SPA17: variants seen among roughly 807,000 people sequenced by gnomAD.
SPA17 encodes sperm autoantigenic protein 17.
In SPA17, 7 loss-of-function variants were observed where a neutral mutation model predicts 13.8. The ratio of observed to expected loss-of-function variants is 0.51; its 90% CI spans 0.29 to 0.95. SPA17 has a LOEUF of 0.95. SPA17 is among the 40% of genes least tolerant of loss of function. The pLI is 0.08. For synonymous variants in SPA17, 61 were observed against 59.0 expected, an observed-to-expected ratio of 1.03 and a Z score of -0.16; for missense variants, 170 against 179.3, an observed-to-expected ratio of 0.95 and a Z score of 0.30.
intron 2 of SPA17, among the ~76,000 whole-genome samples, chr11:124,676,781 T>C (rs1165955664): frequency 2.0e-5 from 3 of 152,226 alleles, no homozygotes; most frequent in Non-Finnish European, 4.4e-5. Flanking sequence ...AAAAACTACC[T>C]ATCAGGCATT....
intron 3 of SPA17, among the ~76,000 whole-genome samples, chr11:124,682,696 A>T (rs1811412686): frequency 1.3e-5 from 2 of 152,154 alleles, no homozygotes; most frequent in African/African-American, 4.8e-5. Flanking sequence ...AGTAAGACAA[A>T]AATAAAAAAG....
chr11:124,687,550 C>A (rs1943588263), intron 3 of SPA17, among the ~76,000 whole-genome samples: 1 of 152,092 alleles, frequency 6.6e-6, no homozygotes, highest in Non-Finnish European at 1.5e-5. Flanking sequence ...CAAAAATCTT[C>A]AACAGAATAC....
intron 3 of SPA17, 85 bp downstream of exon 3, chr11:124,681,544 A>G (rs1467525396): frequency 1.0e-6 from 1 of 971,588 alleles, no homozygotes; most frequent in African/African-American, 1.7e-5. Flanking sequence ...CAGAATTGTG[A>G]GAATTATGTG....
At chr11:124,675,475 G>A in intron 2 of SPA17, 57 bp downstream of exon 2, 2 of 1,576,100 alleles carry the variant, frequency 1.3e-6, no homozygotes, top group Non-Finnish European at 1.7e-6. Flanking sequence ...TTTGTTTATG[G>A]TAAAACTTGC....
At chr11:124,674,667 CCCCAT>C (rs1306835289) in intron 1 of SPA17, 3 of 152,252 alleles carry the variant, frequency 2.0e-5, no homozygotes, top group African/African-American at 2.4e-5. Flanking sequence ...TGACACACAG[CCCCAT>C]CCCATCCCAT....
rs938282833 is a variant in SPA17, at chr11:124,695,098, C to G, written c.*652C>G. 1.3e-5 allele frequency: 2 copies of G among 152,700 alleles called. No homozygotes were observed. Among genetic ancestry groups the G allele is most frequent in the African/African-American group, 4.8e-5 (2 of 41,446 alleles). 9.5% of individuals were successfully genotyped at this position (152,700 alleles called of 1,614,324 possible). A position where few individuals can be genotyped will look rare whatever the true frequency, so the allele number is the denominator to read the frequency against. Reference sequence around the variant, plus strand: ...CTCCAGCCTGGGCGACAGAGCAAGACTCTGTCTCAAAAACAAAACAAAACA... The same window carrying G: ...CTCCAGCCTGGGCGACAGAGCAAGAGTCTGTCTCAAAAACAAAACAAAACA... On this transcript the variant is annotated 3_prime_UTR_variant, in exon 5 of 5. Transcript: ENST00000227135.
chr11:124,688,215 G>T (rs1444986574), intron 3 of SPA17, among the ~76,000 whole-genome samples: 1 of 152,168 alleles, frequency 6.6e-6, no homozygotes, highest in Non-Finnish European at 1.5e-5. Context: ...CTTTTGCTAT[G>T]TTGTCCAGGC....
At chr11:124,681,276 C>A in intron 2 of SPA17, 113 bp from the exon 3 acceptor site, 1 of 669,728 alleles carries the variant, frequency 1.5e-6, no homozygotes, top group African/African-American at 1.9e-5. Context: ...AGATTTTGGA[C>A]TGCCAGTAAA....
chr11:124,677,159 T>C (rs1591402522), intron 2 of SPA17, among the ~76,000 whole-genome samples: 1 of 152,050 alleles, frequency 6.6e-6, no homozygotes, highest in Non-Finnish European at 1.5e-5. Flanking sequence ...TTTGAAAAAA[T>C]TGTAAGCACC....
chr11:124,682,837 A>G (rs1390374563), intron 3 of SPA17, among the ~76,000 whole-genome samples: 1 of 152,106 alleles, frequency 6.6e-6, no homozygotes, highest in African/African-American at 2.4e-5. Flanking sequence ...TGAAGACATC[A>G]CAAGTCTAGC....
chr11:124,678,837 G>A (rs1164667138), intron 2 of SPA17, among the ~76,000 whole-genome samples: 1 of 152,036 alleles, frequency 6.6e-6, no homozygotes, highest in Non-Finnish European at 1.5e-5. Context: ...AAAGTTCTGG[G>A]ATTACAAGAA....
At chr11:124,680,814 T>A (rs1943521660) in intron 2 of SPA17, among the ~76,000 whole-genome samples, 1 of 151,990 alleles carries the variant, frequency 6.6e-6, no homozygotes, top group African/African-American at 2.4e-5. Context: ...ATAAAATAAA[T>A]CATGGGTTGA....
intron 4 of SPA17, among the ~76,000 whole-genome samples, chr11:124,692,712 G>C (rs1943634104): frequency 6.6e-6 from 1 of 152,188 alleles, no homozygotes; most frequent in Non-Finnish European, 1.5e-5. Context: ...TCAGGGCTTT[G>C]TTTCTTCTGG....
At chr11:124,677,304 C>A (rs1055329087) in intron 2 of SPA17, among the ~76,000 whole-genome samples, 1 of 152,150 alleles carries the variant, frequency 6.6e-6, no homozygotes, top group East Asian at 1.9e-4. Context: ...TGCAAGAATT[C>A]CCTTGCCAGC....
intron 3 of SPA17, among the ~76,000 whole-genome samples, chr11:124,683,473 C>T (rs958868489): frequency 4.0e-5 from 6 of 150,486 alleles, no homozygotes; most frequent in Admixed American, 2.6e-4. Context: ...TCAATAATAA[C>T]TTTAAACATA....
chr11:124,692,587 G>GA (rs377555848), intron 4 of SPA17, among the ~76,000 whole-genome samples: 21 of 150,140 alleles, frequency 1.4e-4, no homozygotes, highest in East Asian at 5.8e-4. Context: ...CTCAAAAAAA[G>GA]AAAAAAAAAG....
chr11:124,678,759 G>C (rs1488104863), intron 2 of SPA17, among the ~76,000 whole-genome samples: 1 of 151,980 alleles, frequency 6.6e-6, no homozygotes, highest in African/African-American at 2.4e-5. Context: ...GCAGAGACAG[G>C]GTTTTGCCAT....
In SPA17 at chr11:124,678,516, C is replaced by CTGTGTGTGTG. The variant is rs60663679; in HGVS notation, c.155-2849_155-2840dup. Among the ~76,000 whole-genome samples the CTGTGTGTGTG allele has an allele frequency of 2.9e-3, 409 of 143,354 alleles. 3 individuals are homozygous for CTGTGTGTGTG. The highest frequency in any genetic ancestry group is 9.5e-3 in the African/African-American group (372 of 39,222). 94.0% of individuals were successfully genotyped at this position (143,354 alleles called of 152,430 possible). A position where few individuals can be genotyped will look rare whatever the true frequency, so the allele number is the denominator to read the frequency against. ...AAAAGAGGTTGATATGAATACATAA[C>CTGTGTGTGTG]TGTGTGTGTGTGTGTGTGTGTGTGT... is the stretch of plus-strand genomic sequence containing the variant. On this transcript the variant is annotated intron_variant, in intron 2 of 4. Coordinates refer to ENST00000227135, the MANE Select transcript of SPA17 (RefSeq NM_017425.4).
At position 124,688,139 on chromosome 11, in the gene SPA17, A is replaced by G. The variant is rs190493152; in HGVS notation, c.226-3557A>G. On this transcript the variant is annotated intron_variant, in intron 3 of 4. Coordinates refer to ENST00000227135, the MANE Select transcript of SPA17 (RefSeq NM_017425.4). ...AGGGAATCTCCCATCTTATCCTCCC[A>G]AGTTGCTAGGACTACAAACATGTGC... Among the ~76,000 whole-genome samples the G allele has an allele frequency of 2.9e-3, 434 of 152,222 alleles. 2 individuals carry two copies. The highest frequency in any genetic ancestry group is 0.02 in the Middle Eastern group (6 of 294).
Sources: allele counts gnomAD v4.1 joint callset (sites outside exome capture counted in the v4.1 genomes callset), GRCh38; gene constraint gnomAD v4.1.1; transcripts MANE v1.5; gene names NCBI Gene and HGNC (gene_info 2026-07-23, HGNC 2026-07-21).